COBL: variants seen among roughly 807,000 people sequenced by gnomAD.
COBL encodes the protein protein cordon-bleu.
Under a neutral mutation model 98.8 loss-of-function variants are expected in COBL, and 51 were observed. The ratio of observed to expected loss-of-function variants is 0.52; its 90% CI spans 0.41 to 0.65. COBL has a LOEUF of 0.65. Among genes scored for constraint, COBL ranks in the 30% least tolerant of loss-of-function variants. COBL has a pLI of 0.00. For missense variants in COBL, 1,617 were observed against 1,617.5 expected, an observed-to-expected ratio of 1.00 and a Z score of 0.01; for synonymous variants, 634 against 651.7, an observed-to-expected ratio of 0.97 and a Z score of 0.41.
chr7:51,216,159 C>A (rs1258098994), intron 2 of COBL, among the ~76,000 whole-genome samples: 1 of 152,220 alleles, frequency 6.6e-6, no homozygotes, highest in Non-Finnish European at 1.5e-5. Flanking sequence ...ATACCTGACA[C>A]CCTTTTGTAA....
At chr7:51,063,662 A>C (rs375013008) in intron 7 of COBL, among the ~76,000 whole-genome samples, 2 of 152,218 alleles carry the variant, frequency 1.3e-5, no homozygotes, top group Non-Finnish European at 2.9e-5. Flanking sequence ...TGCCTGCAAG[A>C]AGCAGCTAGT....
chr7:51,208,688 T>C (rs915653414), intron 2 of COBL, among the ~76,000 whole-genome samples: 2 of 152,166 alleles, frequency 1.3e-5, no homozygotes, highest in African/African-American at 4.8e-5. Flanking sequence ...GAAGTAGACA[T>C]GGGAGACTTT....
At chr7:51,175,127 G>A (rs1584057233) in intron 5 of COBL, among the ~76,000 whole-genome samples, 1 of 152,354 alleles carries the variant, frequency 6.6e-6, no homozygotes, top group South Asian at 2.1e-4. Flanking sequence ...TTGCCTTGCA[G>A]GCAAGTGATT....
At chr7:51,031,798 C>T (rs1378303286) in intron 8 of COBL, 1 of 152,246 alleles carries the variant, frequency 6.6e-6, no homozygotes, top group African/African-American at 2.4e-5. Flanking sequence ...CTGATAATGC[C>T]ACTTGAAGAG....
At chr7:51,191,318 A>T (rs1374451671) in intron 3 of COBL, among the ~76,000 whole-genome samples, 1 of 152,162 alleles carries the variant, frequency 6.6e-6, no homozygotes, top group African/African-American at 2.4e-5. Context: ...ACAGCGAAAT[A>T]AACATCAGGG....
rs765381841 is a variant in COBL, at chr7:51,027,882, C to T, written c.3214G>A (p.Val1072Met). The T allele has an allele frequency of 3.4e-5, 55 of 1,614,122 alleles. No homozygotes were observed. The South Asian group carries it at 5.6e-4, about 16-fold the overall frequency. Residue 1072 changes from valine to methionine, a missense_variant, in exon 10 of 13, where the codon GTG (valine) becomes ATG (methionine). Transcript: ENST00000265136. The part of the protein sequence containing the change: ...ILLEREEKPS[V>M]FSTDGNETDS... ...GTTTCATTTCCATCTGTAGAGAACA[C>T]ACTGGGCTTTTCCTCTCTTTCTAGG... is the stretch of plus-strand genomic sequence containing the variant.
At chr7:51,160,656 G>C (rs1388851469) in intron 5 of COBL, among the ~76,000 whole-genome samples, 3 of 152,124 alleles carry the variant, frequency 2.0e-5, no homozygotes, top group Non-Finnish European at 4.4e-5. Flanking sequence ...CACACGGGAA[G>C]ACAAGGCTCT....
At chr7:51,159,486 C>T (rs1476370379) in intron 5 of COBL, among the ~76,000 whole-genome samples, 1 of 152,186 alleles carries the variant, frequency 6.6e-6, no homozygotes, top group Non-Finnish European at 1.5e-5. Flanking sequence ...GTCTCTGAAG[C>T]AACTTAAATC....
Position 51,219,869 on chromosome 7 carries a change from G to A in COBL, c.117C>T (p.Pro39=), listed in dbSNP as rs751243625. ...GCGACCCGAGGGCCCCATCGTGGGGGGGCTTCTGGTCACTGTGCACATGCA... is the reference window on the plus strand; with the variant it reads ...GCGACCCGAGGGCCCCATCGTGGGGAGGCTTCTGGTCACTGTGCACATGCA... ...ATLHVHSDQK[P]PHDGALGSQQ... The change falls in exon 2 of 13, where the codon CCC becomes CCT. Residue 39 remains proline, a synonymous_variant. Transcript: ENST00000265136. 5 of 1,613,384 alleles carry A rather than the reference G, an allele frequency of 3.1e-6. No individual in the cohort carries two copies. The highest frequency in any genetic ancestry group is 1.3e-5 in the African/African-American group (1 of 74,896).
At chr7:51,059,703 G>A (rs1791132858) in intron 7 of COBL, among the ~76,000 whole-genome samples, 1 of 152,094 alleles carries the variant, frequency 6.6e-6, no homozygotes, top group African/African-American at 2.4e-5. Context: ...GAGCCAGGCA[G>A]GGAGGAGTTG....
At chr7:51,080,212 A>C (rs1466083696) in intron 7 of COBL, among the ~76,000 whole-genome samples, 2 of 152,242 alleles carry the variant, frequency 1.3e-5, no homozygotes, top group Non-Finnish European at 2.9e-5. Context: ...GTGAAGTTGT[A>C]TAGGACTTAT....
intron 7 of COBL, chr7:51,083,156 G>A (rs115138927): frequency 1.3e-6 from 2 of 1,507,078 alleles, no homozygotes; most frequent in African/African-American, 1.4e-5. Flanking sequence ...GGGCGGGGGT[G>A]GGGGAAGCAC....
chr7:51,240,695 C>CT (rs1795707164), intron 1 of COBL, among the ~76,000 whole-genome samples: 1 of 121,038 alleles, frequency 8.3e-6, no homozygotes. Context: ...TACAGGCACG[C>CT]ACCACCACTC....
chr7:51,030,139 A>G (rs572908553), intron 9 of COBL, among the ~76,000 whole-genome samples: 3 of 152,336 alleles, frequency 2.0e-5, no homozygotes, highest in African/African-American at 7.2e-5. Context: ...TGTCAACTAT[A>G]CATTCTCAGG....
intron 5 of COBL, among the ~76,000 whole-genome samples, chr7:51,149,698 C>CT (rs1480388741): frequency 3.3e-5 from 5 of 152,296 alleles, no homozygotes; most frequent in Admixed American, 1.3e-4. Context: ...CCTCCTCCTC[C>CT]CAAGTTCGAG....
chr7:51,303,314 C>T (rs1048866122), intron 1 of COBL, among the ~76,000 whole-genome samples: 1 of 152,150 alleles, frequency 6.6e-6, no homozygotes, highest in Non-Finnish European at 1.5e-5. Flanking sequence ...TAATCCCAGC[C>T]CTCTGGGAGG....
At chr7:51,170,912 G>A (rs1787811748) in intron 5 of COBL, among the ~76,000 whole-genome samples, 1 of 152,172 alleles carries the variant, frequency 6.6e-6, no homozygotes, top group East Asian at 1.9e-4. Context: ...AAAGGGTTCT[G>A]AATGTTCTTA....
At chr7:51,210,593 A>G (rs1309257936) in intron 2 of COBL, among the ~76,000 whole-genome samples, 1 of 152,212 alleles carries the variant, frequency 6.6e-6, no homozygotes, top group Non-Finnish European at 1.5e-5. Flanking sequence ...ACTTGGTGGC[A>G]TTAAAGAACC....
intron 7 of COBL, among the ~76,000 whole-genome samples, chr7:51,045,394 C>A (rs1789593101): frequency 6.6e-6 from 1 of 152,062 alleles, no homozygotes; most frequent in Non-Finnish European, 1.5e-5. Flanking sequence ...GGCTCTCTGG[C>A]ACTCACAGCT....
Sources: gnomAD v4.1 joint callset for allele counts (sites outside exome capture counted in the v4.1 genomes callset) on GRCh38, gnomAD v4.1.1 for gene constraint, MANE v1.5 for transcripts, NCBI Gene and HGNC (gene_info 2026-07-23, HGNC 2026-07-21) for gene names.